The following NDST1 variants were observed in gnomAD, a reference collection of about 807,000 sequenced individuals.
NDST1 encodes bifunctional heparan sulfate N-deacetylase/N-sulfotransferase 1.
A neutral mutation model predicts 92.8 loss-of-function variants in NDST1; 35 were observed. The ratio of observed to expected loss-of-function variants is 0.38; its 90% CI spans 0.29 to 0.50. NDST1 has a LOEUF of 0.50. NDST1 is among the 20% of genes least tolerant of loss of function. The pLI is 0.94. For synonymous variants in NDST1, 493 were observed against 500.3 expected (o/e 0.99, Z 0.19); for missense variants, 822 against 1,182.7 (o/e 0.69, Z 4.47).
chr5:150,537,905 A>G (rs534853813), intron 6 of NDST1, among the ~76,000 whole-genome samples: 1 of 152,186 alleles, frequency 6.6e-6, no homozygotes, highest in Non-Finnish European at 1.5e-5. Flanking sequence ...CACTTAGGGA[A>G]AATAGAAAAG....
In NDST1 at chr5:150,549,892, T is replaced by C. The variant is rs1755645811; in HGVS notation, c.2426+105T>C. 12 of 741,480 alleles carry C rather than the reference T, an allele frequency of 1.6e-5. No homozygotes were observed. In the South Asian group the frequency reaches 1.8e-4, roughly 11 times the overall value. The allele number at this position is 741,480 out of a possible 1,614,324, so 45.9% of individuals were successfully genotyped here. On this transcript the variant is annotated intron_variant, in intron 13 of 14. Transcript: ENST00000261797. ...TATGAGAGAGAGAAGTTAGTTAGAGTCAGAAAGTATGGAAAGTTATTAATA... is the reference window on the plus strand; with the variant it reads ...TATGAGAGAGAGAAGTTAGTTAGAGCCAGAAAGTATGGAAAGTTATTAATA...
chr5:150,534,740 GC>G, intron 4 of NDST1, 126 bp from the exon 5 acceptor site: 1 of 1,119,660 alleles, frequency 8.9e-7, no homozygotes, highest in Non-Finnish European at 1.3e-6. Flanking sequence ...CTGTGCTGTA[GC>G]CCAGATAACT....
At chr5:150,545,058 C>T (rs1022520550) in intron 10 of NDST1, among the ~76,000 whole-genome samples, 4 of 152,176 alleles carry the variant, frequency 2.6e-5, no homozygotes, top group African/African-American at 4.8e-5. Context: ...CAACTGCCGG[C>T]GCACCCACAA....
intron 1 of NDST1, among the ~76,000 whole-genome samples, chr5:150,499,585 G>T (rs1753143372): frequency 6.6e-6 from 1 of 152,194 alleles, no homozygotes; most frequent in Non-Finnish European, 1.5e-5. Context: ...AGCATAACAA[G>T]TGCTTCCTGT....
intron 14 of NDST1, 38 bp downstream of exon 14, chr5:150,551,893 G>T: frequency 1.2e-6 from 2 of 1,608,688 alleles, no homozygotes; most frequent in South Asian, 2.2e-5. Context: ...ACCTGCATAA[G>T]GGTAAGGGGT....
Position 150,521,196 on chromosome 5 carries a change from G to A in NDST1, c.-59G>A. On this transcript the variant is annotated 5_prime_UTR_variant, in exon 2 of 15. Coordinates refer to ENST00000261797, the MANE Select transcript of NDST1 (RefSeq NM_001543.5). This position sits in a 1 kb window ranked among gnomAD's most constrained non-coding sequence, Gnocchi z 5.9. ...CGATTCTCGTGTCTCCTCCTGTGTG[G>A]GGCCTTGGGGTAGCCAGGGCAGGCC... 2 of 1,487,054 alleles carry A rather than the reference G, an allele frequency of 1.3e-6. No homozygotes were observed. The highest frequency in any genetic ancestry group is 1.8e-6 in the Non-Finnish European group (2 of 1,101,208). 92.1% of individuals were successfully genotyped at this position (1,487,054 alleles called of 1,614,324 possible).
intron 1 of NDST1, among the ~76,000 whole-genome samples, chr5:150,517,432 G>A (rs765089477): frequency 6.6e-6 from 1 of 151,968 alleles, no homozygotes; most frequent in Non-Finnish European, 1.5e-5. Flanking sequence ...GAGCCACTGT[G>A]CCCAACCCAG....
upstream of NDST1, among the ~76,000 whole-genome samples, chr5:150,505,082 G>T (rs890806965): frequency 6.6e-6 from 1 of 152,234 alleles, no homozygotes; most frequent in South Asian, 2.1e-4. Flanking sequence ...AGCAATGCCT[G>T]TGAAAATGCT....
rs186784900 is a variant in NDST1, at chr5:150,535,953, C to G, written c.1437+68C>G. ...GCACAGTCTGTCATGTGTGTGCATA[C>G]GCTGTCCTGGTAAGCACGGCTCTGG... On this transcript the variant is annotated intron_variant, in intron 6 of 14. Transcript: ENST00000261797. The G allele has an allele frequency of 2.0e-6, 3 of 1,532,144 alleles. No homozygotes were observed. The Admixed American group carries it at 5.6e-5, about 29-fold the overall frequency. 94.9% of individuals were successfully genotyped at this position (1,532,144 alleles called of 1,614,324 possible).
At chr5:150,523,884 CA>C (rs1754353283) in intron 2 of NDST1, among the ~76,000 whole-genome samples, 1 of 152,198 alleles carries the variant, frequency 6.6e-6, no homozygotes, top group African/African-American at 2.4e-5. Flanking sequence ...TTGCCTAGGA[CA>C]AGACTATCCT....
upstream of NDST1, among the ~76,000 whole-genome samples, chr5:150,506,097 G>C (rs1251360002): frequency 1.3e-5 from 2 of 152,192 alleles, no homozygotes; most frequent in Non-Finnish European, 2.9e-5. Context: ...CTGTGTGCTT[G>C]CACATTGTGG....
At chr5:150,539,776 C>T in intron 7 of NDST1, 1 of 985,322 alleles carries the variant, frequency 1.0e-6, no homozygotes, top group Non-Finnish European at 1.2e-6. Context: ...TTATTCAGCT[C>T]TGTGGGCTGA....
chr5:150,539,813 C>T (rs1581397307), intron 7 of NDST1: 2 of 982,898 alleles, frequency 2.0e-6, no homozygotes, highest in African/African-American at 1.7e-5. Context: ...ATGCACCCCA[C>T]CCCTAACATT....
chr5:150,527,769 GT>G (rs1266482281), intron 2 of NDST1, 34 bp from the exon 3 acceptor site: 4 of 1,610,554 alleles, frequency 2.5e-6, no homozygotes, highest in Admixed American at 1.7e-5. Context: ...GGATGTGACA[GT>G]TCTGTTCCCC....
At chr5:150,532,052 G>A (rs1754766103) in intron 3 of NDST1, among the ~76,000 whole-genome samples, 1 of 152,176 alleles carries the variant, frequency 6.6e-6, no homozygotes, top group Non-Finnish European at 1.5e-5. Flanking sequence ...CAGGCTTACA[G>A]CGGCAGTGAC....
intron 7 of NDST1, chr5:150,539,645 C>A (rs1755155145): frequency 1.0e-5 from 10 of 984,440 alleles, no homozygotes; most frequent in Non-Finnish European, 1.2e-5. Context: ...TACACACATA[C>A]ACAGATACAC....
chr5:150,538,464 GA>G (rs1275865585), intron 6 of NDST1, among the ~76,000 whole-genome samples: 4 of 152,210 alleles, frequency 2.6e-5, no homozygotes, highest in Non-Finnish European at 5.9e-5. Flanking sequence ...CAGCAGCTTG[GA>G]CCAGGGCCCA....
At chr5:150,531,062 CAG>C (rs1389697619) in intron 3 of NDST1, among the ~76,000 whole-genome samples, 1 of 151,958 alleles carries the variant, frequency 6.6e-6, no homozygotes, top group Non-Finnish European at 1.5e-5. Context: ...TAAGAAAGGG[CAG>C]AGTTTTTTTT....
In NDST1 at chr5:150,553,824, A is replaced by C. The variant is rs1410638243; in HGVS notation, c.*492A>C. Reference sequence around the variant, plus strand: ...TCCAAGGGGCCAGCTGGGTCCCCGGAGTCAGTCCTAGGCTGGATGGGAGGG... The same window carrying C: ...TCCAAGGGGCCAGCTGGGTCCCCGGCGTCAGTCCTAGGCTGGATGGGAGGG... On this transcript the variant is annotated 3_prime_UTR_variant, in exon 15 of 15. Coordinates refer to ENST00000261797, the MANE Select transcript of NDST1 (RefSeq NM_001543.5). The surrounding 1 kb of genome is among the most constrained non-coding windows in gnomAD (Gnocchi z 4.2). 1.3e-5 allele frequency: 6 copies of C among 471,714 alleles called. No individual in the cohort carries two copies. In the Admixed American group the frequency reaches 2.1e-4, roughly 17 times the overall value. The allele number at this position is 471,714 out of a possible 1,614,324, so 29.2% of individuals were successfully genotyped here. A position where few individuals can be genotyped will look rare whatever the true frequency, so the allele number is the denominator to read the frequency against.
Sources: gnomAD v4.1 joint callset for allele counts (sites outside exome capture counted in the v4.1 genomes callset) on GRCh38, gnomAD v4.1.1 for gene constraint, Gnocchi (gnomAD v3.1) non-coding constraint, MANE v1.5 for transcripts, NCBI Gene and HGNC (gene_info 2026-07-23, HGNC 2026-07-21) for gene names.